Variants in SRFBP1 observed in about 807,000 individuals in gnomAD.
SRFBP1 encodes serum response factor binding protein 1.
In SRFBP1, 47 loss-of-function variants were observed where a neutral mutation model predicts 45.5. The observed-to-expected ratio is 1.03, with a 90% CI of 0.82 to 1.32. The LOEUF (loss-of-function observed/expected upper bound fraction) is 1.32, where lower values mean the gene tolerates loss of function less well. SRFBP1 is among the 40% of genes most tolerant of loss of function. The probability of loss-of-function intolerance (pLI) is 0.00; values close to 1 mark genes in which losing one functional copy is unlikely to be tolerated. For synonymous variants in SRFBP1, 203 were observed against 166.3 expected (o/e 1.22, Z -1.70); for missense variants, 621 against 484.6 (o/e 1.28, Z -2.64).
At position 122,020,432 on chromosome 5, in the gene SRFBP1, A is replaced by G. The variant is rs1346449033; in HGVS notation, c.697A>G (p.Thr233Ala). ...ADPKLKTLSQ[T>A]KKNKGSDSSL... ...CCCAAAACTGAAAACTCTAAGTCAA[A>G]CCAAAAAAAACAAAGGATCTGATAG... Residue 233 changes from threonine (T) to alanine (A), a missense_variant, in exon 6 of 8, where the codon ACC becomes GCC. Transcript: ENST00000339397. 2.5e-6 allele frequency: 4 copies of G among 1,614,010 alleles called. No homozygotes were observed. The highest frequency in any genetic ancestry group is 3.4e-6 in the Non-Finnish European group (4 of 1,180,014).
At chr5:121,975,001 T>C (rs1406268215) in intron 2 of SRFBP1, among the ~76,000 whole-genome samples, 1 of 151,926 alleles carries the variant, frequency 6.6e-6, no homozygotes, top group Admixed American at 6.6e-5. Context: ...TTATATTACA[T>C]TAAATACAAT....
chr5:122,001,193 A>G (rs1752858818), intron 4 of SRFBP1, among the ~76,000 whole-genome samples: 1 of 151,828 alleles, frequency 6.6e-6, no homozygotes, highest in East Asian at 1.9e-4. Flanking sequence ...TATGATAATT[A>G]TATAAAAGTT....
chr5:122,051,489 G>T (rs893023046), intron 2 of SRFBP1, among the ~76,000 whole-genome samples: 1 of 150,204 alleles, frequency 6.7e-6, no homozygotes, highest in African/African-American at 2.4e-5. Flanking sequence ...TGAATTAAAC[G>T]CTTTATCATT....
Position 122,019,328 on chromosome 5 carries a change from A to C in SRFBP1, c.339A>C (p.Ile113=). The change falls in exon 5 of 8, where the codon ATA becomes ATC. Residue 113 remains isoleucine, a synonymous_variant. Coordinates refer to ENST00000339397, the MANE Select transcript of SRFBP1 (RefSeq NM_152546.3). ...LAVHPLLKKK[I]DVLKAAVQAF... The stretch of plus-strand genomic sequence containing the variant: ...TACATCCTCTTCTGAAGAAAAAGAT[A>C]GATGTGCTAAAAGGTATGAATTAAA... 1 of 1,612,202 alleles carries C rather than the reference A, an allele frequency of 6.2e-7. No individual in the cohort carries two copies. Among genetic ancestry groups the C allele is most frequent in the Non-Finnish European group, 8.5e-7 (1 of 1,178,892 alleles).
At chr5:121,969,671 G>T (rs142964651) in intron 1 of SRFBP1, among the ~76,000 whole-genome samples, 1 of 151,906 alleles carries the variant, frequency 6.6e-6, no homozygotes, top group Non-Finnish European at 1.5e-5. Flanking sequence ...ATATATATTC[G>T]CTGGGTATGT....
chr5:122,003,134 G>A (rs148912487), intron 4 of SRFBP1, among the ~76,000 whole-genome samples: 50 of 152,178 alleles, frequency 3.3e-4, no homozygotes, highest in Middle Eastern at 6.8e-3. Context: ...CTTGAGCCCC[G>A]GAGTTCAAGA....
At chr5:122,040,268 A>G in intron 2 of SRFBP1, among the ~76,000 whole-genome samples, 1 of 152,140 alleles carries the variant, frequency 6.6e-6, no homozygotes, top group Non-Finnish European at 1.5e-5. Context: ...TTGGGCCTAT[A>G]CTATAGAATT....
downstream of SRFBP1, among the ~76,000 whole-genome samples, chr5:122,030,053 G>A (rs1018450623): frequency 3.9e-5 from 6 of 152,152 alleles, no homozygotes; most frequent in African/African-American, 1.2e-4. Context: ...CTGCAAAACA[G>A]AAGCCTACTA....
intron 4 of SRFBP1, among the ~76,000 whole-genome samples, chr5:121,996,830 A>G (rs1752737480): frequency 7.0e-6 from 1 of 143,452 alleles, no homozygotes; most frequent in Non-Finnish European, 1.5e-5. Context: ...AGGATACAAA[A>G]TCAATGTACA....
At chr5:122,044,766 T>C (rs1483152636) in intron 2 of SRFBP1, among the ~76,000 whole-genome samples, 2 of 152,102 alleles carry the variant, frequency 1.3e-5, no homozygotes, top group African/African-American at 2.4e-5. Context: ...AGATCTTTGT[T>C]GGATGCATTG....
At chr5:121,999,154 C>T (rs1752801313) in intron 4 of SRFBP1, among the ~76,000 whole-genome samples, 1 of 152,084 alleles carries the variant, frequency 6.6e-6, no homozygotes, top group South Asian at 2.1e-4. Flanking sequence ...AGCTGCATCT[C>T]ATAAATTTTG....
intron 4 of SRFBP1, among the ~76,000 whole-genome samples, chr5:121,997,657 T>G (rs1427197974): frequency 1.3e-5 from 2 of 150,652 alleles, no homozygotes; most frequent in Non-Finnish European, 3.0e-5. Context: ...AAGACAAAAT[T>G]GACAAATGGG....
intron 2 of SRFBP1, among the ~76,000 whole-genome samples, chr5:122,048,415 A>G (rs1045602973): frequency 6.6e-5 from 10 of 152,170 alleles, no homozygotes; most frequent in African/African-American, 2.4e-4. Flanking sequence ...ATGGTGGATA[A>G]GCTTTTTGAT....
At chr5:122,030,878 A>G (rs1753579593), downstream of SRFBP1, among the ~76,000 whole-genome samples, 3 of 152,212 alleles carry the variant, frequency 2.0e-5, no homozygotes. Context: ...GAAAGGTTGA[A>G]CAACTAAAAG....
At chr5:122,044,155 G>A (rs558618356) in intron 2 of SRFBP1, among the ~76,000 whole-genome samples, 1 of 152,240 alleles carries the variant, frequency 6.6e-6, no homozygotes, top group African/African-American at 2.4e-5. Flanking sequence ...ATGGCCTCCA[G>A]CTCCATCCAC....
intron 4 of SRFBP1, among the ~76,000 whole-genome samples, chr5:122,003,202 G>A (rs1251169400): frequency 6.6e-6 from 1 of 151,934 alleles, no homozygotes; most frequent in Non-Finnish European, 1.5e-5. Flanking sequence ...AAAATAAGCT[G>A]GGCATGGTGA....
At chr5:121,979,319 GTTATA>G (rs1752361563) in intron 3 of SRFBP1, among the ~76,000 whole-genome samples, 1 of 152,016 alleles carries the variant, frequency 6.6e-6, no homozygotes, top group Non-Finnish European at 1.5e-5. Context: ...GATATTTCTG[GTTATA>G]TATGCTTTTT....
intron 4 of SRFBP1, among the ~76,000 whole-genome samples, chr5:122,006,826 A>G (rs1318453254): frequency 6.6e-6 from 1 of 151,974 alleles, no homozygotes; most frequent in Non-Finnish European, 1.5e-5. Context: ...TTCTGAATGT[A>G]TTTTGAAATT....
chr5:122,018,290 G>A (rs781271258), intron 4 of SRFBP1, among the ~76,000 whole-genome samples: 5 of 152,216 alleles, frequency 3.3e-5, no homozygotes, highest in Non-Finnish European at 7.3e-5. Context: ...GCAAAGGAGA[G>A]TGACCAGGCA....
Sources: gnomAD v4.1 joint callset for allele counts (sites outside exome capture counted in the v4.1 genomes callset) on GRCh38, gnomAD v4.1.1 for gene constraint, MANE v1.5 for transcripts, NCBI Gene and HGNC (gene_info 2026-07-23, HGNC 2026-07-21) for gene names.